ART3: variants seen among roughly 807,000 people sequenced by gnomAD.
ART3 encodes ecto-ADP-ribosyltransferase 3.
Under a neutral mutation model 48.5 loss-of-function variants are expected in ART3, and 49 were observed. The observed-to-expected ratio is 1.01, with a 90% CI of 0.80 to 1.28. The LOEUF (loss-of-function observed/expected upper bound fraction) is 1.28, where lower values mean the gene tolerates loss of function less well. ART3 is among the 50% of genes most tolerant of loss of function. The pLI, the probability that ART3 is intolerant of heterozygous loss-of-function variation, is 0.00. For missense variants in ART3, 438 were observed against 454.3 expected (o/e 0.96, Z 0.33); for synonymous variants, 145 against 157.2 (o/e 0.92, Z 0.58).
Position 76,112,604 on chromosome 4 carries a change from T to A in ART3, c.*85T>A. On this transcript the variant is annotated 3_prime_UTR_variant, in exon 12 of 12. Transcript: ENST00000355810. ...AGATCAAAAGGAATGATGTATTTTT[T>A]ACGTGTTGGCCAAAGTCACTGGATA... 1 of 1,416,222 alleles carries A rather than the reference T, an allele frequency of 7.1e-7. No individual in the cohort carries two copies. The highest frequency in any genetic ancestry group is 2.4e-5 in the East Asian group (1 of 41,314). 87.7% of individuals were successfully genotyped at this position (1,416,222 alleles called of 1,614,324 possible). A position where few individuals can be genotyped will look rare whatever the true frequency, so the allele number is the denominator to read the frequency against.
intron 1 of ART3, among the ~76,000 whole-genome samples, chr4:76,014,982 A>G (rs905871096): frequency 2.0e-5 from 3 of 152,218 alleles, no homozygotes; most frequent in Non-Finnish European, 2.9e-5. Flanking sequence ...TGAAAAAGAA[A>G]TGAAGACATT....
At chr4:76,039,145 G>A (rs1244022527) in intron 1 of ART3, among the ~76,000 whole-genome samples, 1 of 151,044 alleles carries the variant, frequency 6.6e-6, no homozygotes, top group African/African-American at 2.4e-5. Context: ...TGCCACCCAG[G>A]CTGGAGTGCA....
intron 8 of ART3, among the ~76,000 whole-genome samples, chr4:76,101,787 C>G (rs571083680): frequency 1.3e-5 from 2 of 152,262 alleles, no homozygotes; most frequent in African/African-American, 4.8e-5. Flanking sequence ...CTCAAGGATA[C>G]CGGGACAGGA....
intron 1 of ART3, among the ~76,000 whole-genome samples, chr4:76,036,447 C>CT (rs528176726): frequency 1.3e-5 from 2 of 151,748 alleles, no homozygotes; most frequent in Admixed American, 6.6e-5. Flanking sequence ...TTCTGAAAAG[C>CT]TTTTTTTTAT....
chr4:76,069,513 C>T (rs1720103741), intron 1 of ART3, among the ~76,000 whole-genome samples: 1 of 151,482 alleles, frequency 6.6e-6, no homozygotes, highest in Non-Finnish European at 1.5e-5. Context: ...CCTCAGACTC[C>T]CTAATGGCTG....
At chr4:76,105,249 C>T (rs1290727070) in intron 10 of ART3, among the ~76,000 whole-genome samples, 1 of 152,208 alleles carries the variant, frequency 6.6e-6, no homozygotes, top group Non-Finnish European at 1.5e-5. Context: ...ATCTGAAAGG[C>T]AGCCACCGAG....
At chr4:76,086,385 A>G (rs1723581637) in intron 3 of ART3, among the ~76,000 whole-genome samples, 2 of 152,218 alleles carry the variant, frequency 1.3e-5, no homozygotes, top group East Asian at 3.8e-4. Flanking sequence ...ACAGAAAGCT[A>G]TTGCATGATC....
At chr4:76,067,683 GT>G (rs1719877851) in intron 1 of ART3, among the ~76,000 whole-genome samples, 1 of 152,160 alleles carries the variant, frequency 6.6e-6, no homozygotes, top group South Asian at 2.1e-4. Flanking sequence ...CACTAATCTT[GT>G]CAGTTAAAAT....
intron 2 of ART3, among the ~76,000 whole-genome samples, chr4:76,079,916 T>TCACG (rs373509112): frequency 6.8e-6 from 1 of 148,110 alleles, no homozygotes; most frequent in Middle Eastern, 3.2e-3. Context: ...TCTCTCTCTC[T>TCACG]CTCACACACA....
intron 3 of ART3, among the ~76,000 whole-genome samples, chr4:76,086,409 G>A (rs1266560383): frequency 6.6e-6 from 1 of 152,122 alleles, no homozygotes; most frequent in Admixed American, 6.5e-5. Context: ...GTTATATGTG[G>A]AATATATATG....
intron 1 of ART3, among the ~76,000 whole-genome samples, chr4:76,052,647 T>C (rs77611181): frequency 0.13 from 18,998 of 151,880 alleles, 1,638 homozygotes; most frequent in East Asian, 0.39. Context: ...ATACTCTATG[T>C]CTATGTGTAC....
chr4:76,103,825 CT>C (rs762840096), intron 8 of ART3, 111 bp from the exon 9 acceptor site: 10 of 945,286 alleles, frequency 1.1e-5, no homozygotes, highest in African/African-American at 3.4e-5. Context: ...TTCTTTCCCC[CT>C]GCCTTTTTTT....
chr4:76,077,468 T>C (rs1332585842), intron 2 of ART3, among the ~76,000 whole-genome samples: 1 of 152,238 alleles, frequency 6.6e-6, no homozygotes, highest in Non-Finnish European at 1.5e-5. Flanking sequence ...AGTGGTGTTG[T>C]GAACATTTAT....
chr4:76,025,861 T>A (rs1469703620), intron 1 of ART3, among the ~76,000 whole-genome samples: 1 of 152,204 alleles, frequency 6.6e-6, no homozygotes, highest in Non-Finnish European at 1.5e-5. Flanking sequence ...AAGATTTTTT[T>A]ATAATTTTTT....
chr4:76,057,189 C>T (rs1718776319), intron 1 of ART3, among the ~76,000 whole-genome samples: 1 of 151,984 alleles, frequency 6.6e-6, no homozygotes, highest in Non-Finnish European at 1.5e-5. Context: ...GTGATGTTTA[C>T]CTTGATTATT....
Position 76,062,226 on chromosome 4 carries a change from T to C in ART3, c.-9-13655T>C, listed in dbSNP as rs75346364. ...TTCCTATTTTTTAAAAGCTAAGATA[T>C]CCTGTTCCAGAGAGAGTAAGCTTAC... On this transcript the variant is annotated intron_variant, in intron 1 of 9. Coordinates refer to the ART3 transcript ENST00000341029. Among the ~76,000 whole-genome samples, 200 of 152,362 alleles carry C rather than the reference T, an allele frequency of 1.3e-3. 1 individual carries two copies. Among genetic ancestry groups the C allele is most frequent in the African/African-American group, 4.1e-3 (169 of 41,590 alleles).
intron 1 of ART3, chr4:76,035,966 T>TA: frequency 6.2e-7 from 1 of 1,614,034 alleles, no homozygotes; most frequent in Non-Finnish European, 8.5e-7. Flanking sequence ...GCCAAGGCTA[T>TA]AGCCATGCCC....
At position 76,110,802 on chromosome 4, in the gene ART3, A is replaced by T. The variant is rs111846556; in HGVS notation, c.1037-1584A>T. On this transcript the variant is annotated intron_variant, in intron 11 of 11. Transcript: ENST00000355810. The stretch of plus-strand genomic sequence containing the variant: ...CTTTTTGGATATTTGCATCAATTTG[A>T]AGAAACTTGCAGACAAACTGCATGA... Among the ~76,000 whole-genome samples, 552 of 152,182 alleles carry T rather than the reference A, an allele frequency of 3.6e-3. 6 individuals are homozygous for T. The highest frequency in any genetic ancestry group is 0.013 in the African/African-American group (531 of 41,526).
chr4:76,109,865 T>G (rs1371367301), intron 11 of ART3, among the ~76,000 whole-genome samples: 1 of 152,232 alleles, frequency 6.6e-6, no homozygotes, highest in Non-Finnish European at 1.5e-5. Flanking sequence ...CTATGGCAAG[T>G]ACATTGATAA....
Sources: allele counts gnomAD v4.1 joint callset (sites outside exome capture counted in the v4.1 genomes callset), GRCh38; gene constraint gnomAD v4.1.1; transcripts MANE v1.5; gene names NCBI Gene and HGNC (gene_info 2026-07-23, HGNC 2026-07-21).